The following PUS10 variants were observed in gnomAD, a reference collection of about 807,000 sequenced individuals.
The protein encoded by PUS10 is pseudouridine synthase 10.
In PUS10, 59 loss-of-function variants were observed where a neutral mutation model predicts 75.0. The ratio of observed to expected loss-of-function variants is 0.79; its 90% CI spans 0.64 to 0.98. The LOEUF is 0.98. PUS10 is among the 50% of genes least tolerant of loss of function. The pLI is 0.00. For missense variants in PUS10, 650 were observed against 614.4 expected (o/e 1.06, Z -0.61); for synonymous variants, 219 against 211.6 (o/e 1.03, Z -0.30).
chr2:60,954,868 G>C (rs1423413343), intron 12 of PUS10, 150 bp downstream of exon 12: 1 of 473,288 alleles, frequency 2.1e-6, no homozygotes, highest in Non-Finnish European at 3.7e-6. Context: ...TCATAAAGGG[G>C]CCTCCATAAT....
chr2:60,993,851 G>T (rs1019771746), intron 4 of PUS10, among the ~76,000 whole-genome samples: 1 of 151,934 alleles, frequency 6.6e-6, no homozygotes, highest in East Asian at 1.9e-4. Context: ...GTGCAGTGGC[G>T]CGATCTCGGC....
intron 4 of PUS10, among the ~76,000 whole-genome samples, chr2:60,998,546 G>A (rs1326868811): frequency 2.6e-5 from 4 of 152,000 alleles, no homozygotes; most frequent in Admixed American, 6.6e-5. Flanking sequence ...AAAATTAGCC[G>A]GATGTGGTGG....
chr2:61,001,466 G>A lies in PUS10; in HGVS notation c.468+5091C>T, dbSNP rs1032831015. ...TAATTTTTGTATTTTTAGTAGAGAC[G>A]GGATTTTACTATGTTGGCTAGGCTG... is the stretch of plus-strand genomic sequence containing the variant. On this transcript the variant is annotated intron_variant, in intron 4 of 17. Transcript: ENST00000316752. Among the ~76,000 whole-genome samples, 111 of 152,148 alleles carry A rather than the reference G, an allele frequency of 7.3e-4. 1 individual carries two copies. The highest frequency in any genetic ancestry group is 2.6e-3 in the African/African-American group (106 of 41,512).
At chr2:60,990,268 T>C (rs1249609490) in intron 4 of PUS10, among the ~76,000 whole-genome samples, 1 of 152,150 alleles carries the variant, frequency 6.6e-6, no homozygotes, top group African/African-American at 2.4e-5. Flanking sequence ...AATTTGTTAA[T>C]AGTGGATCAA....
chr2:60,963,434 C>T (rs111843930), intron 8 of PUS10, among the ~76,000 whole-genome samples: 173 of 152,304 alleles, frequency 1.1e-3, no homozygotes, highest in African/African-American at 4.0e-3. Context: ...ATCCACTGTA[C>T]TGAACAGAAG....
chr2:60,973,161 C>T (rs1481661900), intron 4 of PUS10, among the ~76,000 whole-genome samples: 1 of 152,244 alleles, frequency 6.6e-6, no homozygotes, highest in Non-Finnish European at 1.5e-5. Context: ...ATCACCATCT[C>T]AGGGGTCCAC....
chr2:60,943,762 T>TTGTGTGTGTGTGTGTG (rs56232022), intron 17 of PUS10, among the ~76,000 whole-genome samples: 3 of 146,740 alleles, frequency 2.0e-5, no homozygotes, highest in African/African-American at 7.6e-5. Context: ...GATCACAATC[T>TTGTGTGTGTGTGTGTG]TGTGTGTGTG....
chr2:60,988,660 G>C (rs1677876626), intron 4 of PUS10, among the ~76,000 whole-genome samples: 1 of 152,124 alleles, frequency 6.6e-6, no homozygotes, highest in Non-Finnish European at 1.5e-5. Flanking sequence ...TTTTGAGATG[G>C]AGTCTTGCTC....
intron 4 of PUS10, among the ~76,000 whole-genome samples, chr2:60,979,046 G>T (rs1337801432): frequency 1.3e-5 from 2 of 152,104 alleles, no homozygotes; most frequent in African/African-American, 4.8e-5. Context: ...AATGACAATA[G>T]TTGTGTGGGC....
chr2:60,989,870 C>A (rs776864940), intron 4 of PUS10, among the ~76,000 whole-genome samples: 1 of 152,128 alleles, frequency 6.6e-6, no homozygotes, highest in African/African-American at 2.4e-5. Context: ...AGTGATCCAT[C>A]CGCCTCGGCC....
intron 6 of PUS10, chr2:60,966,250 C>T (rs1278907582): frequency 1.3e-5 from 2 of 151,788 alleles, no homozygotes; most frequent in African/African-American, 4.8e-5. Context: ...TCCTTGTACA[C>T]CAAAAAAAGC....
chr2:60,967,512 A>G lies in PUS10; in HGVS notation c.605T>C (p.Ile202Thr), dbSNP rs1307870626. Residue 202 changes from isoleucine (I) to threonine (T), a missense_variant, in exon 6 of 18, where the codon ATT becomes ACT. By Grantham distance (89) the Ile-to-Thr change is moderately conservative (BLOSUM62 -1). Coordinates refer to ENST00000316752, the MANE Select transcript of PUS10 (RefSeq NM_144709.4). ...PLFSEELGVP[I>T]DGKSLFEVSV... ...CTGTTGACCCAATACCTTTCCATCA[A>G]TGGGAACACCCAGTTCCTCTGAAAA... 7.5e-6 allele frequency: 12 copies of G among 1,590,842 alleles called. No individual in the cohort carries two copies. The highest frequency in any genetic ancestry group is 2.7e-5 in the African/African-American group (2 of 74,022).
chr2:61,012,834 C>CAAAA (rs70959885), intron 1 of PUS10, among the ~76,000 whole-genome samples: 21 of 30,166 alleles, frequency 7.0e-4, no homozygotes, highest in Admixed American at 1.3e-3. Flanking sequence ...AACTCCGTCT[C>CAAAA]AAAAAAAAAA....
In PUS10 at chr2:61,008,766, T is replaced by A. The variant is rs768077291; in HGVS notation, c.376A>T (p.Lys126Ter). Residue 126 changes from lysine to a stop codon, truncating the protein, a stop_gained, in exon 3 of 18, where the codon AAA becomes TAA. Coordinates refer to ENST00000316752, the MANE Select transcript of PUS10 (RefSeq NM_144709.4). LOFTEE classifies it high-confidence loss of function. ...LQEFCEKDFI[K>*]KVCQKVEASG... ...ATGAAAAACAGGTTATTTACCTTTT[T>A]AATGAAATCTTTCTCACAGAATTCT... is the stretch of plus-strand genomic sequence containing the variant. 1.3e-6 allele frequency: 2 copies of A among 1,572,168 alleles called. No homozygotes were observed. The highest frequency in any genetic ancestry group is 3.7e-5 in the Admixed American group (2 of 53,676).
At chr2:60,983,077 A>C (rs527872981) in intron 4 of PUS10, among the ~76,000 whole-genome samples, 1 of 152,244 alleles carries the variant, frequency 6.6e-6, no homozygotes, top group Non-Finnish European at 1.5e-5. Flanking sequence ...GTCTTGGTAG[A>C]GATGGGGGTC....
At chr2:60,986,747 A>G (rs2104530478) in intron 4 of PUS10, among the ~76,000 whole-genome samples, 1 of 152,330 alleles carries the variant, frequency 6.6e-6, no homozygotes, top group African/African-American at 2.4e-5. Flanking sequence ...TTGCCTAAGT[A>G]GTATCAGAAC....
intron 17 of PUS10, 96 bp downstream of exon 17, chr2:60,944,913 A>C: frequency 2.5e-6 from 2 of 812,108 alleles, no homozygotes; most frequent in Non-Finnish European, 2.2e-6. Context: ...TCAAATACCT[A>C]TGGAGGTGGG....
At chr2:61,016,687 A>G (rs1680000942) in intron 1 of PUS10, among the ~76,000 whole-genome samples, 2 of 152,192 alleles carry the variant, frequency 1.3e-5, no homozygotes, top group South Asian at 4.1e-4. Context: ...TCTCTGGCTT[A>G]CTGGAGGAGA....
chr2:60,943,036 G>GAA (rs1163561504), intron 17 of PUS10, among the ~76,000 whole-genome samples: 21,690 of 77,916 alleles, frequency 0.28, 2,261 homozygotes, highest in Middle Eastern at 0.43. Flanking sequence ...ATCTATCTCA[G>GAA]AAAAAAAAAA....
Sources: allele counts gnomAD v4.1 joint callset (sites outside exome capture counted in the v4.1 genomes callset), GRCh38; gene constraint gnomAD v4.1.1; transcripts MANE v1.5; gene names NCBI Gene and HGNC (gene_info 2026-07-23, HGNC 2026-07-21).